The following LARGE1 variants were observed in gnomAD, a reference collection of about 807,000 sequenced individuals.
LARGE1 encodes xylosyl- and glucuronyltransferase LARGE1.
In LARGE1, 43 loss-of-function variants were observed where a neutral mutation model predicts 87.6. The observed-to-expected ratio is 0.49, with a 90% CI of 0.38 to 0.63. LARGE1 has a LOEUF of 0.63. Among genes scored for constraint, LARGE1 ranks in the 30% least tolerant of loss-of-function variants. The pLI is 0.00. For synonymous variants in LARGE1, 434 were observed against 394.6 expected (o/e 1.10, Z -1.18); for missense variants, 802 against 1,000.2 (o/e 0.80, Z 2.67).
Position 33,275,907 on chromosome 22 carries a change from G to C in LARGE1, c.2073+1153C>G, listed in dbSNP as rs528130418. On this transcript the variant is annotated intron_variant, in intron 14 of 14. Transcript: ENST00000397394. ...GACTGAACACTGTTGTCTGTGAGTG[G>C]CACTCTGCTCATTCAAAGTATTATA... Among the ~76,000 whole-genome samples the C allele has an allele frequency of 1.1e-3, 167 of 152,258 alleles. 2 individuals carry two copies. Among genetic ancestry groups the C allele is most frequent in the African/African-American group, 3.8e-3 (158 of 41,536 alleles).
chr22:33,836,247 T>G (rs2063105622), intron 1 of LARGE1, among the ~76,000 whole-genome samples: 1 of 152,114 alleles, frequency 6.6e-6, no homozygotes, highest in Non-Finnish European at 1.5e-5. Flanking sequence ...CTAGGGGAGC[T>G]CTCTACCTCT....
chr22:33,225,447 T>G (rs1364646150), intron 11 of LARGE1, among the ~76,000 whole-genome samples: 1 of 152,198 alleles, frequency 6.6e-6, no homozygotes, highest in African/African-American at 2.4e-5. Flanking sequence ...ATGTTCAGAG[T>G]TAAGTCTTTA....
At chr22:33,780,270 C>G (rs1243266247) in intron 1 of LARGE1, among the ~76,000 whole-genome samples, 2 of 152,180 alleles carry the variant, frequency 1.3e-5, no homozygotes. Flanking sequence ...CATTCTGAGG[C>G]ACTGAGGCTT....
At chr22:33,446,091 T>C (rs983705521) in intron 6 of LARGE1, among the ~76,000 whole-genome samples, 3 of 152,192 alleles carry the variant, frequency 2.0e-5, no homozygotes, top group Admixed American at 6.5e-5. Flanking sequence ...GGAGACTGAA[T>C]TGATCACCAA....
chr22:33,535,799 C>T (rs1014793817), intron 6 of LARGE1, among the ~76,000 whole-genome samples: 2 of 152,102 alleles, frequency 1.3e-5, no homozygotes, highest in African/African-American at 4.8e-5. Flanking sequence ...GGTGGGATCG[C>T]TGATCTGTGA....
At chr22:33,894,269 C>T (rs7286782) in intron 1 of LARGE1, among the ~76,000 whole-genome samples, 3,255 of 152,244 alleles carry the variant, frequency 0.021, 124 homozygotes, top group African/African-American at 0.075. Flanking sequence ...GTTTTTGATC[C>T]TGGTCCCCAA....
chr22:33,754,510 G>T (rs1484216772), intron 2 of LARGE1, among the ~76,000 whole-genome samples: 2 of 151,666 alleles, frequency 1.3e-5, no homozygotes, highest in African/African-American at 4.8e-5. Context: ...TAATTTTTTT[G>T]TATTTTTAGT....
chr22:33,159,366 T>C (rs1381366054), downstream of LARGE1, among the ~76,000 whole-genome samples: 3 of 152,210 alleles, frequency 2.0e-5, no homozygotes, highest in Non-Finnish European at 4.4e-5. Context: ...TTCACATATA[T>C]ATTCATTTAT....
the LARGE1 span, among the ~76,000 whole-genome samples, chr22:33,156,509 C>T: frequency 1.3e-5 from 2 of 152,122 alleles, no homozygotes; most frequent in African/African-American, 4.8e-5. Flanking sequence ...CCTGTATCAC[C>T]TTTGTTTTGG....
At chr22:33,528,648 C>A (rs933880843) in intron 6 of LARGE1, among the ~76,000 whole-genome samples, 1 of 152,128 alleles carries the variant, frequency 6.6e-6, no homozygotes, top group Non-Finnish European at 1.5e-5. Flanking sequence ...GCAGCATCAG[C>A]AGGTTAGTAG....
intron 1 of LARGE1, among the ~76,000 whole-genome samples, chr22:33,919,391 G>A (rs916703010): frequency 1.3e-5 from 2 of 152,214 alleles, no homozygotes; most frequent in Non-Finnish European, 2.9e-5. Context: ...ACATTTACAA[G>A]AATGTCTGGA....
At chr22:33,078,795 T>C in the LARGE1 span, among the ~76,000 whole-genome samples, 3 of 152,212 alleles carry the variant, frequency 2.0e-5, no homozygotes, top group South Asian at 4.1e-4. Flanking sequence ...TTTGTTGTAA[T>C]AAAGGCACAG....
intron 12 of LARGE1, among the ~76,000 whole-genome samples, chr22:33,290,094 C>T (rs1004499583): frequency 3.9e-5 from 6 of 152,116 alleles, no homozygotes; most frequent in African/African-American, 4.8e-5. Context: ...CCTGGTGCTA[C>T]GGTGGCATGG....
At chr22:33,618,449 G>A (rs1158865118) in intron 4 of LARGE1, among the ~76,000 whole-genome samples, 3 of 152,162 alleles carry the variant, frequency 2.0e-5, no homozygotes, top group Admixed American at 6.5e-5. Flanking sequence ...ATGGCACCAG[G>A]TCGGGATAAC....
At chr22:33,483,213 G>A (rs968589309) in intron 6 of LARGE1, among the ~76,000 whole-genome samples, 2 of 152,130 alleles carry the variant, frequency 1.3e-5, no homozygotes, top group African/African-American at 4.8e-5. Flanking sequence ...TCATCCGGAG[G>A]CTCGGCAGAC....
chr22:33,762,003 G>A (rs2084749367), intron 1 of LARGE1, among the ~76,000 whole-genome samples: 1 of 152,028 alleles, frequency 6.6e-6, no homozygotes, highest in Non-Finnish European at 1.5e-5. Flanking sequence ...GATAACTTGA[G>A]ATCAGGAGTT....
At chr22:33,432,591 T>G (rs867331023) in intron 6 of LARGE1, among the ~76,000 whole-genome samples, 59 of 140,014 alleles carry the variant, frequency 4.2e-4, no homozygotes, top group South Asian at 9.5e-4. Context: ...ATTCATTCAT[T>G]CATTCATGCA....
At chr22:33,754,377 C>T (rs1017455988) in intron 2 of LARGE1, among the ~76,000 whole-genome samples, 14 of 151,156 alleles carry the variant, frequency 9.3e-5, no homozygotes, top group Non-Finnish European at 1.6e-4. Context: ...TGCTCTGTCA[C>T]GCAGGCTGGA....
chr22:33,122,788 A>G, the LARGE1 span, among the ~76,000 whole-genome samples: 6 of 152,336 alleles, frequency 3.9e-5, no homozygotes, highest in African/African-American at 1.4e-4. Context: ...AAAACTGGCC[A>G]CATTTTCTTG....
Sources: allele counts gnomAD v4.1 joint callset (sites outside exome capture counted in the v4.1 genomes callset), GRCh38; gene constraint gnomAD v4.1.1; transcripts MANE v1.5; gene names NCBI Gene and HGNC (gene_info 2026-07-23, HGNC 2026-07-21).